Variants in TSHZ2 observed in about 807,000 individuals in gnomAD.
The protein encoded by TSHZ2 is teashirt zinc finger homeobox 2, also known as teashirt homolog 2.
A neutral mutation model predicts 74.4 loss-of-function variants in TSHZ2; 21 were observed. The observed-to-expected ratio is 0.28, with a 90% CI of 0.20 to 0.41. The LOEUF (loss-of-function observed/expected upper bound fraction) is 0.41. Ranked by LOEUF, TSHZ2 falls within the 10% of genes least tolerant of loss-of-function variation. The pLI, the probability that TSHZ2 is intolerant of heterozygous loss-of-function variation, is 1.00. For synonymous variants in TSHZ2, 540 were observed against 515.3 expected, an observed-to-expected ratio of 1.05 and a Z score of -0.65; for missense variants, 1,244 against 1,293.5, an observed-to-expected ratio of 0.96 and a Z score of 0.59.
At chr20:53,052,273 G>A (rs975671327) in intron 1 of TSHZ2, among the ~76,000 whole-genome samples, 1 of 152,110 alleles carries the variant, frequency 6.6e-6, no homozygotes, top group African/African-American at 2.4e-5. Flanking sequence ...TTAGCACAGG[G>A]GTCCTCAACC....
rs529706588 is a variant in TSHZ2, at chr20:53,325,954, TG to T, written c.*8+69384del. 1.2e-4 allele frequency among the ~76,000 whole-genome samples: 18 copies of T among 152,204 alleles called. No homozygotes were observed. The South Asian group carries it at 3.7e-3, about 32-fold the overall frequency. On this transcript the variant is annotated intron_variant, in intron 2 of 2. Coordinates refer to ENST00000371497, the MANE Select transcript of TSHZ2 (RefSeq NM_173485.6). ...CTGCCACCACGCCCAGCTAATTTTT[TG>T]TATTTTTAGTTGAGACAGGATTTTA... is the stretch of plus-strand genomic sequence containing the variant.
At chr20:53,035,448 G>T (rs1983782699) in intron 1 of TSHZ2, among the ~76,000 whole-genome samples, 1 of 152,032 alleles carries the variant, frequency 6.6e-6, no homozygotes, top group Admixed American at 6.6e-5. Context: ...TGTCATAAAA[G>T]GTTTTAAAGG....
intron 2 of TSHZ2, among the ~76,000 whole-genome samples, chr20:53,316,420 T>C (rs752528715): frequency 2.0e-5 from 3 of 151,364 alleles, no homozygotes; most frequent in Non-Finnish European, 2.9e-5. Context: ...TGTTGGAGGG[T>C]GGAGGAATGG....
At chr20:53,181,313 T>C (rs1175748724) in intron 1 of TSHZ2, among the ~76,000 whole-genome samples, 1 of 152,214 alleles carries the variant, frequency 6.6e-6, no homozygotes, top group Non-Finnish European at 1.5e-5. Flanking sequence ...TGTTCTTTTT[T>C]CACAAAGGTA....
At chr20:53,416,273 C>A (rs549614251) in intron 2 of TSHZ2, among the ~76,000 whole-genome samples, 1 of 152,146 alleles carries the variant, frequency 6.6e-6, no homozygotes, top group Non-Finnish European at 1.5e-5. Context: ...AGGATGAAGG[C>A]GGTGGGAAGT....
At chr20:53,118,938 T>C (rs1600699817) in intron 1 of TSHZ2, among the ~76,000 whole-genome samples, 1 of 152,208 alleles carries the variant, frequency 6.6e-6, no homozygotes, top group Non-Finnish European at 1.5e-5. Flanking sequence ...ACACATCCCA[T>C]GGCTGAAGTG....
intron 2 of TSHZ2, among the ~76,000 whole-genome samples, chr20:53,369,367 C>T (rs933527822): frequency 6.6e-6 from 1 of 152,112 alleles, no homozygotes; most frequent in South Asian, 2.1e-4. Flanking sequence ...TAAGCCTTGA[C>T]TATATCTGGG....
intron 2 of TSHZ2, among the ~76,000 whole-genome samples, chr20:53,476,371 G>A (rs201489951): frequency 0.067 from 10,045 of 150,162 alleles, 286 homozygotes; most frequent in East Asian, 0.15. Flanking sequence ...AAATCAATAA[G>A]TGTAATCCAG....
intron 1 of TSHZ2, among the ~76,000 whole-genome samples, chr20:53,103,479 T>C (rs2123299797): frequency 6.6e-6 from 1 of 152,310 alleles, no homozygotes; most frequent in Non-Finnish European, 1.5e-5. Context: ...ATTCCAAAAC[T>C]AGAAGAAATT....
intron 2 of TSHZ2, among the ~76,000 whole-genome samples, chr20:53,470,506 TCA>T (rs1445631668): frequency 6.6e-6 from 1 of 152,310 alleles, no homozygotes; most frequent in East Asian, 1.9e-4. Context: ...TGCTTCCTTG[TCA>T]CAGTCTTTTT....
intron 1 of TSHZ2, among the ~76,000 whole-genome samples, chr20:53,220,939 C>A (rs760625982): frequency 4.7e-4 from 71 of 152,196 alleles, no homozygotes; most frequent in Non-Finnish European, 3.7e-4. Flanking sequence ...CCAGTATTCC[C>A]AAACCTTCTG....
chr20:53,288,689 T>C (rs1439361079), intron 2 of TSHZ2, among the ~76,000 whole-genome samples: 1 of 152,198 alleles, frequency 6.6e-6, no homozygotes. Context: ...GTTGTCATTC[T>C]AGTGGGAAAG....
chr20:53,380,163 T>TGTGTGTGCGC (rs3971382), intron 2 of TSHZ2, among the ~76,000 whole-genome samples: 6 of 151,056 alleles, frequency 4.0e-5, no homozygotes, highest in African/African-American at 1.5e-4. Flanking sequence ...TGTGTGTGTG[T>TGTGTGTGCGC]GCACACGCAT....
chr20:52,978,363 G>C (rs946920367), intron 1 of TSHZ2, among the ~76,000 whole-genome samples: 2 of 152,144 alleles, frequency 1.3e-5, no homozygotes, highest in Non-Finnish European at 1.5e-5. Flanking sequence ...TGCTATGCCT[G>C]TAATTAGCTG....
chr20:53,431,309 A>T (rs992135021), intron 2 of TSHZ2, among the ~76,000 whole-genome samples: 3 of 152,100 alleles, frequency 2.0e-5, no homozygotes, highest in African/African-American at 7.2e-5. Context: ...ATACAAAATT[A>T]GCCAGATGTG....
At chr20:53,185,127 A>G (rs1568800796) in intron 1 of TSHZ2, among the ~76,000 whole-genome samples, 1 of 152,126 alleles carries the variant, frequency 6.6e-6, no homozygotes, top group Non-Finnish European at 1.5e-5. Flanking sequence ...AAAATCTTTC[A>G]TCTTTTTATG....
At position 52,980,088 on chromosome 20, in the gene TSHZ2, A is replaced by G. The variant is rs967114702; in HGVS notation, c.40+6755A>G. 2.6e-5 allele frequency among the ~76,000 whole-genome samples: 4 copies of G among 152,334 alleles called. No individual in the cohort carries two copies. In the East Asian group the frequency reaches 5.8e-4, roughly 22 times the overall value. On this transcript the variant is annotated intron_variant, in intron 1 of 2. Transcript: ENST00000371497. ...ACACACAGATGTAAGACACTATATT[A>G]CACAACACTTTTTAAAAAATTGTTT...
intron 1 of TSHZ2, among the ~76,000 whole-genome samples, chr20:53,138,909 A>G (rs1182145249): frequency 6.6e-6 from 1 of 152,220 alleles, no homozygotes; most frequent in Non-Finnish European, 1.5e-5. Flanking sequence ...TTCTGAACAA[A>G]TGAGGAAATG....
intron 1 of TSHZ2, among the ~76,000 whole-genome samples, chr20:52,992,424 A>C (rs1303565395): frequency 6.6e-6 from 1 of 152,218 alleles, no homozygotes; most frequent in Non-Finnish European, 1.5e-5. Context: ...CTTATCTCAG[A>C]AGCAGGCTAG....
Sources: allele counts gnomAD v4.1 joint callset (sites outside exome capture counted in the v4.1 genomes callset), GRCh38; gene constraint gnomAD v4.1.1; transcripts MANE v1.5; gene names NCBI Gene and HGNC (gene_info 2026-07-23, HGNC 2026-07-21).